The following ZPBP variants were observed in gnomAD, a reference collection of about 807,000 sequenced individuals.
ZPBP encodes the protein zona pellucida binding protein, also known as zona pellucida-binding protein 1.
In ZPBP, 26 loss-of-function variants were observed where a neutral mutation model predicts 44.8. The observed-to-expected ratio is 0.58, with a 90% CI of 0.43 to 0.81. The LOEUF (loss-of-function observed/expected upper bound fraction) is 0.81. ZPBP is among the 30% of genes least tolerant of loss of function. The pLI is 0.00. For missense variants in ZPBP, 409 were observed against 434.0 expected (o/e 0.94, Z 0.51); for synonymous variants, 174 against 153.2 (o/e 1.14, Z -1.00).
intron 6 of ZPBP, among the ~76,000 whole-genome samples, chr7:49,986,727 A>G (rs1797299162): frequency 6.6e-6 from 1 of 152,142 alleles, no homozygotes; most frequent in African/African-American, 2.4e-5. Context: ...CAGGACCCCA[A>G]CTATCACTGT....
chr7:50,059,409 T>C (rs895998530), intron 3 of ZPBP, among the ~76,000 whole-genome samples: 1 of 152,218 alleles, frequency 6.6e-6, no homozygotes, highest in African/African-American at 2.4e-5. Context: ...CCTTGAGAAC[T>C]TCCATTTCTA....
chr7:49,853,476 C>A (rs1158297935), intron 2 of ZPBP, among the ~76,000 whole-genome samples: 1 of 152,106 alleles, frequency 6.6e-6, no homozygotes, highest in East Asian at 1.9e-4. Context: ...CATCTCTGCC[C>A]TCCAGTGTCT....
chr7:49,913,088 T>C (rs1793541127), intron 1 of ZPBP: 1 of 152,202 alleles, frequency 6.6e-6, no homozygotes, highest in African/African-American at 2.4e-5. Flanking sequence ...GAAATCTAAA[T>C]GTGCTACAGA....
At chr7:50,074,940 C>A (rs1231272372) in intron 3 of ZPBP, among the ~76,000 whole-genome samples, 1 of 151,754 alleles carries the variant, frequency 6.6e-6, no homozygotes, top group African/African-American at 2.4e-5. Flanking sequence ...ATTTATAGAC[C>A]ATTTCATCTA....
chr7:49,893,896 G>GA (rs1792251942), intron 2 of ZPBP, among the ~76,000 whole-genome samples: 1 of 152,172 alleles, frequency 6.6e-6, no homozygotes, highest in Non-Finnish European at 1.5e-5. Context: ...TCAGAAAATG[G>GA]AAAAAAATTA....
At chr7:49,859,610 C>A (rs1374786530) in intron 2 of ZPBP, among the ~76,000 whole-genome samples, 1 of 152,220 alleles carries the variant, frequency 6.6e-6, no homozygotes, top group African/African-American at 2.4e-5. Context: ...GCTTTCCATT[C>A]TGTTACACAG....
intron 1 of ZPBP, among the ~76,000 whole-genome samples, chr7:49,911,386 G>A (rs563000890): frequency 6.0e-5 from 9 of 149,528 alleles, no homozygotes; most frequent in Admixed American, 2.0e-4. Flanking sequence ...GGAGGCTGCG[G>A]CAGGAGAATC....
intron 4 of ZPBP, among the ~76,000 whole-genome samples, chr7:50,046,342 T>C (rs1027549341): frequency 1.1e-4 from 16 of 151,806 alleles, no homozygotes; most frequent in African/African-American, 3.9e-4. Context: ...AAATAAACTA[T>C]CATCAGAGTG....
At chr7:49,877,479 A>AT (rs1214249933) in intron 2 of ZPBP, among the ~76,000 whole-genome samples, 1 of 12,744 alleles carries the variant, frequency 7.8e-5, no homozygotes, top group African/African-American at 3.8e-4. Flanking sequence ...AAAAAAAAAA[A>AT]AAATATATAT....
chr7:49,872,519 C>A (rs537039904), intron 2 of ZPBP, among the ~76,000 whole-genome samples: 1 of 150,644 alleles, frequency 6.6e-6, no homozygotes, highest in Non-Finnish European at 1.5e-5. Context: ...CTATGGCTTA[C>A]GGGGAATGAA....
intron 4 of ZPBP, among the ~76,000 whole-genome samples, chr7:50,040,029 T>G (rs562420396): frequency 2.2e-4 from 34 of 152,202 alleles, no homozygotes; most frequent in African/African-American, 7.9e-4. Context: ...AATACTACAT[T>G]AGAAAATATT....
At chr7:50,037,331 C>T (rs1319545976) in intron 4 of ZPBP, among the ~76,000 whole-genome samples, 1 of 152,200 alleles carries the variant, frequency 6.6e-6, no homozygotes, top group Non-Finnish European at 1.5e-5. Context: ...TCAAAGAAGT[C>T]TATCGCATGT....
chr7:50,052,054 A>G (rs1294026814), intron 4 of ZPBP, among the ~76,000 whole-genome samples: 6 of 152,198 alleles, frequency 3.9e-5, no homozygotes, highest in African/African-American at 1.2e-4. Flanking sequence ...ATAATTTTTC[A>G]TCTTAATACA....
intron 6 of ZPBP, among the ~76,000 whole-genome samples, chr7:49,987,730 G>T (rs1392619621): frequency 3.1e-3 from 3 of 966 alleles, no homozygotes; most frequent in Non-Finnish European, 6.7e-3. Context: ...TATATGTGTT[G>T]TGTGTGTGTG....
chr7:49,978,081 G>GTT (rs34696520), intron 7 of ZPBP, among the ~76,000 whole-genome samples: 6 of 143,420 alleles, frequency 4.2e-5, no homozygotes, highest in African/African-American at 1.5e-4. Flanking sequence ...TTGGTTTTTT[G>GTT]TTTTTTTTTT....
At chr7:49,877,487 T>C (rs4917097) in intron 2 of ZPBP, among the ~76,000 whole-genome samples, 313 of 18,596 alleles carry the variant, frequency 0.017, 63 homozygotes, top group East Asian at 0.14. Context: ...AAAAAATATA[T>C]ATATATATAT....
intron 4 of ZPBP, among the ~76,000 whole-genome samples, chr7:50,046,677 A>G (rs13244809): frequency 0.5 from 75,457 of 151,942 alleles, 19,477 homozygotes; most frequent in East Asian, 0.67. Flanking sequence ...AGAAATAGGA[A>G]CACTTTTACA....
At chr7:49,933,132 T>A (rs1794503914), downstream of ZPBP, among the ~76,000 whole-genome samples, 1 of 152,084 alleles carries the variant, frequency 6.6e-6, no homozygotes, top group South Asian at 2.1e-4. Flanking sequence ...GTTAATGAAG[T>A]GAATAAAATA....
At chr7:50,039,581 A>G (rs1243361499) in intron 4 of ZPBP, among the ~76,000 whole-genome samples, 1 of 152,192 alleles carries the variant, frequency 6.6e-6, no homozygotes, top group African/African-American at 2.4e-5. Context: ...ACATAAATAT[A>G]TATTTGCCAG....
Sources: gnomAD v4.1 joint callset for allele counts (sites outside exome capture counted in the v4.1 genomes callset) on GRCh38, gnomAD v4.1.1 for gene constraint, MANE v1.5 for transcripts, NCBI Gene and HGNC (gene_info 2026-07-23, HGNC 2026-07-21) for gene names.